NFATC2IP: variants seen among roughly 807,000 people sequenced by gnomAD.
The protein encoded by NFATC2IP is nuclear factor of activated T cells 2 interacting protein.
In NFATC2IP, 25 loss-of-function variants were observed where a neutral mutation model predicts 40.2. That is an observed-to-expected ratio of 0.62 (90% CI 0.45 to 0.87). The LOEUF (loss-of-function observed/expected upper bound fraction) is 0.87. Among genes scored for constraint, NFATC2IP ranks in the 40% least tolerant of loss-of-function variants. The pLI is 0.00. For synonymous variants in NFATC2IP, 241 were observed against 236.3 expected, an observed-to-expected ratio of 1.02 and a Z score of -0.18; for missense variants, 553 against 555.6, an observed-to-expected ratio of 1.00 and a Z score of 0.05.
intron 2 of NFATC2IP, chr16:28,952,693 TTAA>T (rs2141638548): frequency 1.3e-5 from 2 of 153,230 alleles, no homozygotes; most frequent in African/African-American, 4.8e-5. Context: ...AGTGGGGTGA[TTAA>T]AAGCAAACAG....
In NFATC2IP at chr16:28,951,170, C is replaced by T. The variant is rs1243505378; in HGVS notation, c.159C>T (p.Asp53=). Residue 53 remains aspartate (D), a synonymous_variant, in exon 1 of 8, where the codon GAC becomes GAT. Transcript: ENST00000320805. Reference sequence around the variant, plus strand: ...TAGTGTCTGTGGACTTGGTCACCGACAGCGATGAGGAAATTCTGGAGGTCG... The same window carrying T: ...TAGTGTCTGTGGACTTGGTCACCGATAGCGATGAGGAAATTCTGGAGGTCG... ...LDVVSVDLVT[D]SDEEILEVAT... The T allele has an allele frequency of 4.5e-6, 7 of 1,543,588 alleles. No homozygotes were observed. The highest frequency in any genetic ancestry group is 4.1e-5 in the African/African-American group (3 of 72,322).
At chr16:28,956,394 G>A in intron 5 of NFATC2IP, 57 bp downstream of exon 5, 1 of 1,400,472 alleles carries the variant, frequency 7.1e-7, no homozygotes, top group East Asian at 2.3e-5. Context: ...GAGAGATGGT[G>A]GTGTCCAGCA....
At chr16:28,953,634 G>T (rs960692678) in intron 2 of NFATC2IP, among the ~76,000 whole-genome samples, 1 of 152,104 alleles carries the variant, frequency 6.6e-6, no homozygotes, top group African/African-American at 2.4e-5. Context: ...ATGCAGGATC[G>T]GCTGGGCACA....
chr16:28,958,322 C>G (rs1350663203), intron 5 of NFATC2IP: 2 of 157,048 alleles, frequency 1.3e-5, no homozygotes, highest in Non-Finnish European at 2.8e-5. Context: ...CGCCACTACA[C>G]TCCATCCTGG....
chr16:28,953,097 CAG>C (rs1272565316), intron 2 of NFATC2IP, among the ~76,000 whole-genome samples: 4 of 151,404 alleles, frequency 2.6e-5, no homozygotes, highest in African/African-American at 7.3e-5. Flanking sequence ...TGTTTTGAGA[CAG>C]AGTCTCACTC....
intron 3 of NFATC2IP, among the ~76,000 whole-genome samples, chr16:28,955,319 G>A (rs1328076985): frequency 6.6e-6 from 1 of 152,204 alleles, no homozygotes; most frequent in Non-Finnish European, 1.5e-5. Context: ...GCTCTTGCCT[G>A]TAATCCCAGC....
At chr16:28,954,174 C>G (rs1044627454) in intron 2 of NFATC2IP, among the ~76,000 whole-genome samples, 1 of 152,124 alleles carries the variant, frequency 6.6e-6, no homozygotes, top group Non-Finnish European at 1.5e-5. Flanking sequence ...GCTATATGTC[C>G]CCGCAGAGGC....
chr16:28,956,089 G>A (rs771801330), intron 4 of NFATC2IP, 31 bp downstream of exon 4: 21 of 1,613,482 alleles, frequency 1.3e-5, no homozygotes, highest in Non-Finnish European at 1.7e-5. Context: ...GGCTGGGATG[G>A]AAGAGGGCAA....
At chr16:28,952,518 G>T (rs1160483363) in intron 2 of NFATC2IP, 5 of 329,486 alleles carry the variant, frequency 1.5e-5, no homozygotes, top group Non-Finnish European at 2.8e-5. Flanking sequence ...AGCCAGCAGG[G>T]TGTTCTCTGA....
chr16:28,953,139 A>G (rs1353496839), intron 2 of NFATC2IP, among the ~76,000 whole-genome samples: 3 of 151,898 alleles, frequency 2.0e-5, no homozygotes, highest in South Asian at 2.1e-4. Flanking sequence ...TAGTGGCGCA[A>G]TCTTAGCTCA....
intron 2 of NFATC2IP, among the ~76,000 whole-genome samples, chr16:28,953,238 C>CT (rs1363353556): frequency 6.6e-6 from 1 of 150,438 alleles, no homozygotes; most frequent in Non-Finnish European, 1.5e-5. Flanking sequence ...CCATGTCTGG[C>CT]TTTTTTGTAT....
At chr16:28,958,612 G>A (rs1427842039) in intron 5 of NFATC2IP, 105 bp from the exon 6 acceptor site, 1 of 941,468 alleles carries the variant, frequency 1.1e-6, no homozygotes, top group Admixed American at 2.3e-5. Context: ...CACAGCTGAG[G>A]AGCTTAGCAA....
chr16:28,951,294 G>A lies in NFATC2IP; in HGVS notation c.283G>A (p.Glu95Lys). ...TAACAGCAACAGTGACAGCGAAGGG[G>A]AGGACAGGCGGCCCGCAGGACCCCC... ...RDNSNSDSEGEDRRPAGPPRE... is the reference protein window; with the variant it reads ...RDNSNSDSEGKDRRPAGPPRE... The change falls in exon 1 of 8, where the codon GAG becomes AAG. Residue 95 changes from glutamate (E) to lysine (K), a missense_variant. By Grantham distance (56) the Glu-to-Lys change is moderately conservative. Transcript: ENST00000320805. The A allele has an allele frequency of 7.0e-7, 1 of 1,432,648 alleles. No homozygotes were observed. Among genetic ancestry groups the A allele is most frequent in the Non-Finnish European group, 9.2e-7 (1 of 1,088,970 alleles). The allele number at this position is 1,432,648 out of a possible 1,614,324, so 88.7% of individuals were successfully genotyped here.
intron 2 of NFATC2IP, chr16:28,952,462 CTG>C: frequency 4.3e-6 from 2 of 464,664 alleles, no homozygotes; most frequent in Non-Finnish European, 7.6e-6. Flanking sequence ...TGTTGAGAAT[CTG>C]TGACATCTTG....
At chr16:28,958,676 A>G in intron 5 of NFATC2IP, 41 bp from the exon 6 acceptor site, 1 of 1,573,036 alleles carries the variant, frequency 6.4e-7, no homozygotes, top group South Asian at 1.2e-5. Context: ...CATGGATTTC[A>G]AGGCAGGAAG....
At chr16:28,956,585 CTG>C (rs1278893779) in intron 5 of NFATC2IP, 1 of 500,788 alleles carries the variant, frequency 2.0e-6, no homozygotes, top group Non-Finnish European at 3.5e-6. Flanking sequence ...CATAAGCATC[CTG>C]TGTCTTTTTT....
Position 28,951,326 on chromosome 16 carries a change from G to A in NFATC2IP, c.315G>A (p.Glu105=). 1.4e-6 allele frequency: 2 copies of A among 1,408,414 alleles called. No homozygotes were observed. Among genetic ancestry groups the A allele is most frequent in the South Asian group, 1.6e-5 (1 of 63,324 alleles). 87.2% of individuals were successfully genotyped at this position (1,408,414 alleles called of 1,614,324 possible). A position where few individuals can be genotyped will look rare whatever the true frequency, so the allele number is the denominator to read the frequency against. ...EDRRPAGPPR[E]PVRRRRRLVL... ...GGCGGCCCGCAGGACCCCCGCGGGA[G>A]CCGGTCAGGCGGCGGCGGCGGCTGG... is the stretch of plus-strand genomic sequence containing the variant. The change falls in exon 1 of 8, where the codon GAG becomes GAA. Residue 105 remains glutamate (E), a synonymous_variant. Coordinates refer to ENST00000320805, the MANE Select transcript of NFATC2IP (RefSeq NM_032815.4).
At chr16:28,953,030 C>T (rs1328058041) in intron 2 of NFATC2IP, among the ~76,000 whole-genome samples, 1 of 151,828 alleles carries the variant, frequency 6.6e-6, no homozygotes, top group East Asian at 1.9e-4. Flanking sequence ...GCCACTGTGC[C>T]CGGCCTCAGC....
At chr16:28,951,527 G>A (rs1210999434) in intron 1 of NFATC2IP, 129 bp downstream of exon 1, 10 of 956,170 alleles carry the variant, frequency 1.0e-5, no homozygotes, top group African/African-American at 8.6e-5. Flanking sequence ...GTCCTCGGGC[G>A]TTAGGGTGTT....
Sources: allele counts gnomAD v4.1 joint callset (sites outside exome capture counted in the v4.1 genomes callset), GRCh38; gene constraint gnomAD v4.1.1; transcripts MANE v1.5; gene names NCBI Gene and HGNC (gene_info 2026-07-23, HGNC 2026-07-21).